GHR: variants seen among roughly 807,000 people sequenced by gnomAD.
GHR encodes the protein growth hormone receptor.
In GHR, 35 loss-of-function variants were observed where a neutral mutation model predicts 67.1. The observed-to-expected ratio is 0.52, with a 90% CI of 0.40 to 0.69. The LOEUF (loss-of-function observed/expected upper bound fraction) is 0.69. GHR is among the 30% of genes least tolerant of loss of function. The pLI is 0.00. For missense variants in GHR, 792 were observed against 764.6 expected, an observed-to-expected ratio of 1.04 and a Z score of -0.42; for synonymous variants, 272 against 269.1, an observed-to-expected ratio of 1.01 and a Z score of -0.10.
intron 2 of GHR, among the ~76,000 whole-genome samples, chr5:42,624,849 C>T (rs1249750391): frequency 1.3e-5 from 2 of 151,962 alleles, no homozygotes; most frequent in African/African-American, 4.8e-5. Flanking sequence ...GGGAATGGTT[C>T]TAGAAAATAA....
chr5:42,646,811 C>T (rs1405172319), intron 3 of GHR, among the ~76,000 whole-genome samples: 1 of 152,160 alleles, frequency 6.6e-6, no homozygotes, highest in African/African-American at 2.4e-5. Flanking sequence ...GCTAGCCTCC[C>T]ATTACCTTGC....
At chr5:42,475,870 G>C (rs1445191356) in intron 1 of GHR, among the ~76,000 whole-genome samples, 1 of 152,000 alleles carries the variant, frequency 6.6e-6, no homozygotes, top group Non-Finnish European at 1.5e-5. Context: ...AGGATATCAT[G>C]AATTGAGAAA....
intron 1 of GHR, among the ~76,000 whole-genome samples, chr5:42,460,840 T>C (rs894945114): frequency 1.3e-5 from 2 of 152,208 alleles, no homozygotes; most frequent in Non-Finnish European, 2.9e-5. Context: ...TCTTTCGTTG[T>C]TAATCAATGA....
chr5:42,474,285 A>AAAAG (rs1331163161), intron 1 of GHR, among the ~76,000 whole-genome samples: 1 of 28,102 alleles, frequency 3.6e-5, no homozygotes, highest in African/African-American at 1.2e-4. Flanking sequence ...GAAAGAAAGA[A>AAAAG]AAAGAGAAAG....
At chr5:42,594,149 T>G (rs2077777227) in intron 2 of GHR, among the ~76,000 whole-genome samples, 1 of 152,224 alleles carries the variant, frequency 6.6e-6, no homozygotes, top group South Asian at 2.1e-4. Flanking sequence ...CTATGTATAT[T>G]CTATCACTTT....
At chr5:42,550,939 C>T (rs987797470) in intron 1 of GHR, among the ~76,000 whole-genome samples, 3 of 152,138 alleles carry the variant, frequency 2.0e-5, no homozygotes, top group Non-Finnish European at 4.4e-5. Context: ...AACTTCTAGC[C>T]CTCTCTTTTC....
In GHR at chr5:42,693,417, G is replaced by A. The variant is rs543941471; in HGVS notation, c.267-1500G>A. ...GCCTCCGAAAGTGCTGGGATTACAGGCATGAACCACCGTACCCAGCCAGCA... is the reference window on the plus strand; with the variant it reads ...GCCTCCGAAAGTGCTGGGATTACAGACATGAACCACCGTACCCAGCCAGCA... On this transcript the variant is annotated intron_variant, in intron 4 of 9. Transcript: ENST00000230882. 2.0e-5 allele frequency among the ~76,000 whole-genome samples: 3 copies of A among 152,052 alleles called. No individual in the cohort carries two copies. In the South Asian group the frequency reaches 6.3e-4, roughly 32 times the overall value.
chr5:42,669,897 G>C lies in GHR; in HGVS notation c.137-18993G>C, dbSNP rs144312304. Among the ~76,000 whole-genome samples, 50 of 152,176 alleles carry C rather than the reference G, an allele frequency of 3.3e-4. 5 individuals are homozygous for C. Among genetic ancestry groups the C allele is most frequent in the African/African-American group, 1.2e-3 (48 of 41,558 alleles). ...TGAAGATGGTAAAAATAAATGAAAA[G>C]ATAAATATGTATGGATTGGAAGAAT... On this transcript the variant is annotated intron_variant, in intron 3 of 9. Transcript: ENST00000230882.
chr5:42,554,716 A>T (rs577734834), intron 1 of GHR, among the ~76,000 whole-genome samples: 1 of 152,324 alleles, frequency 6.6e-6, no homozygotes, highest in East Asian at 1.9e-4. Flanking sequence ...ATGTGAGTGT[A>T]AAAGGCATAC....
chr5:42,510,471 C>T (rs183853974), intron 1 of GHR, among the ~76,000 whole-genome samples: 43 of 152,212 alleles, frequency 2.8e-4, no homozygotes, highest in Middle Eastern at 6.8e-3. Flanking sequence ...TCTGCTATAA[C>T]GCTATTTATG....
chr5:42,628,234 G>A lies in GHR; in HGVS notation c.71-804G>A, dbSNP rs180821735. ...TTTATATGAGTGCACGATAGGGGGT[G>A]TTTTGGGCCAAAAGGTAGCTTTTTG... On this transcript the variant is annotated intron_variant, in intron 2 of 9. Transcript: ENST00000230882. Among the ~76,000 whole-genome samples, 13 of 152,136 alleles carry A rather than the reference G, an allele frequency of 8.5e-5. No individual in the cohort carries two copies. The East Asian group carries it at 2.3e-3, about 27-fold the overall frequency.
Position 42,579,864 on chromosome 5 carries a change from G to A in GHR, c.70+13920G>A, listed in dbSNP as rs76407787. On this transcript the variant is annotated intron_variant, in intron 2 of 9. Coordinates refer to ENST00000230882, the MANE Select transcript of GHR (RefSeq NM_000163.5). Reference sequence around the variant, plus strand: ...GTTACATTAACGTGGAACATTCCACGTACTGAACTGTCACATGCCTTTAAA... The same window carrying A: ...GTTACATTAACGTGGAACATTCCACATACTGAACTGTCACATGCCTTTAAA... 8.2e-3 allele frequency among the ~76,000 whole-genome samples: 1,242 copies of A among 151,200 alleles called. 19 individuals carry two copies. The highest frequency in any genetic ancestry group is 0.029 in the African/African-American group (1,202 of 41,228).
At chr5:42,664,475 G>C (rs946350317) in intron 3 of GHR, among the ~76,000 whole-genome samples, 4 of 152,130 alleles carry the variant, frequency 2.6e-5, no homozygotes, top group South Asian at 2.1e-4. Flanking sequence ...ACAAACCTGA[G>C]AAAAACAAGC....
chr5:42,673,564 A>G (rs750052577), intron 3 of GHR, among the ~76,000 whole-genome samples: 21 of 152,202 alleles, frequency 1.4e-4, no homozygotes, highest in South Asian at 2.1e-4. Context: ...AATGTGGTAC[A>G]TGTCCACCAT....
chr5:42,460,078 T>G (rs917221218), intron 1 of GHR, among the ~76,000 whole-genome samples: 3 of 152,126 alleles, frequency 2.0e-5, no homozygotes, highest in Admixed American at 6.5e-5. Flanking sequence ...ATAGAGTTGG[T>G]GCTCTTACAA....
intron 2 of GHR, among the ~76,000 whole-genome samples, chr5:42,621,656 G>A (rs1442172247): frequency 3.3e-5 from 5 of 152,140 alleles, no homozygotes; most frequent in Non-Finnish European, 5.9e-5. Context: ...TACTGCAGAT[G>A]TATTTAAACA....
At chr5:42,661,436 T>C (rs892477668) in intron 3 of GHR, among the ~76,000 whole-genome samples, 5 of 151,968 alleles carry the variant, frequency 3.3e-5, no homozygotes, top group African/African-American at 1.2e-4. Context: ...CAGAAGAGAG[T>C]GGGGGCCAAT....
At chr5:42,440,926 G>C (rs186732725) in intron 1 of GHR, among the ~76,000 whole-genome samples, 2 of 152,292 alleles carry the variant, frequency 1.3e-5, no homozygotes, top group Non-Finnish European at 2.9e-5. Context: ...AAAGGTTGAA[G>C]GAAAGTGAGG....
intron 1 of GHR, among the ~76,000 whole-genome samples, chr5:42,503,201 T>C (rs1302892321): frequency 1.3e-5 from 2 of 152,212 alleles, no homozygotes; most frequent in Non-Finnish European, 2.9e-5. Flanking sequence ...ATTCCTTGTA[T>C]TGGCATGTTA....
Sources: allele counts gnomAD v4.1 joint callset (sites outside exome capture counted in the v4.1 genomes callset), GRCh38; gene constraint gnomAD v4.1.1; transcripts MANE v1.5; gene names NCBI Gene and HGNC (gene_info 2026-07-23, HGNC 2026-07-21).